Variants in MED27 observed in about 807,000 individuals in gnomAD.
MED27 encodes the protein mediator of RNA polymerase II transcription subunit 27.
Under a neutral mutation model 38.2 loss-of-function variants are expected in MED27, and 30 were observed. The observed-to-expected ratio is 0.79, with a 90% CI of 0.59 to 1.07. MED27 has a LOEUF of 1.07. Among genes scored for constraint, MED27 ranks in the 50% least tolerant of loss-of-function variants. The probability of loss-of-function intolerance (pLI) is 0.00; values close to 1 mark genes in which losing one functional copy is unlikely to be tolerated. For missense variants in MED27, 289 were observed against 397.5 expected, an observed-to-expected ratio of 0.73 and a Z score of 2.32; for synonymous variants, 122 against 153.5, an observed-to-expected ratio of 0.79 and a Z score of 1.52.
At chr9:131,978,063 A>G (rs1354317124) in intron 3 of MED27, among the ~76,000 whole-genome samples, 2 of 152,206 alleles carry the variant, frequency 1.3e-5, no homozygotes, top group Non-Finnish European at 2.9e-5. Context: ...ACACAATACC[A>G]TCGATGAAGC....
chr9:131,907,776 C>T (rs1215446033), intron 4 of MED27, among the ~76,000 whole-genome samples: 3 of 150,446 alleles, frequency 2.0e-5, no homozygotes, highest in South Asian at 2.1e-4. Context: ...AATTGAGGAG[C>T]GCCTCTTCCC....
At chr9:132,022,800 C>T (rs192098044) in intron 2 of MED27, among the ~76,000 whole-genome samples, 282 of 152,284 alleles carry the variant, frequency 1.9e-3, no homozygotes, top group Non-Finnish European at 3.3e-3. Flanking sequence ...ACCTTCTTCA[C>T]ATGGCGGCAG....
At chr9:131,962,295 G>A (rs1831232939) in intron 3 of MED27, among the ~76,000 whole-genome samples, 1 of 152,200 alleles carries the variant, frequency 6.6e-6, no homozygotes, top group Non-Finnish European at 1.5e-5. Flanking sequence ...GGACTGCAGA[G>A]GCACAATCAC....
At chr9:132,026,260 A>T (rs368113642) in intron 2 of MED27, among the ~76,000 whole-genome samples, 8 of 152,236 alleles carry the variant, frequency 5.3e-5, no homozygotes, top group Admixed American at 2.0e-4. Context: ...CTGCTTTGGG[A>T]CCAGGAGTGA....
intron 3 of MED27, among the ~76,000 whole-genome samples, chr9:131,973,308 C>T (rs2131016414): frequency 6.6e-6 from 1 of 152,198 alleles, no homozygotes; most frequent in Middle Eastern, 3.2e-3. Context: ...TGACACTATC[C>T]CCTCCAGGAT....
At chr9:131,968,741 G>A (rs1204026986) in intron 3 of MED27, among the ~76,000 whole-genome samples, 2 of 152,194 alleles carry the variant, frequency 1.3e-5, no homozygotes, top group African/African-American at 4.8e-5. Context: ...CTGGGCCACA[G>A]ACGGGTACCA....
At chr9:132,004,278 A>C (rs1052154459) in intron 3 of MED27, among the ~76,000 whole-genome samples, 1 of 152,222 alleles carries the variant, frequency 6.6e-6, no homozygotes, top group Non-Finnish European at 1.5e-5. Context: ...CATTTAAAAC[A>C]AAATGTCCCT....
At chr9:131,867,226 G>A (rs1838752712) in intron 6 of MED27, among the ~76,000 whole-genome samples, 1 of 152,202 alleles carries the variant, frequency 6.6e-6, no homozygotes. Flanking sequence ...GATGAGGTGG[G>A]TGGAGCCAGG....
chr9:131,980,838 C>T (rs7023642), intron 3 of MED27, among the ~76,000 whole-genome samples: 87,458 of 151,956 alleles, frequency 0.58, 26,678 homozygotes, highest in Non-Finnish European at 0.67. Context: ...TGACACTTCC[C>T]GCAGCAGACA....
chr9:132,059,599 G>T (rs4526483), intron 2 of MED27, among the ~76,000 whole-genome samples: 21,663 of 152,082 alleles, frequency 0.14, 1,626 homozygotes, highest in Middle Eastern at 0.19. Flanking sequence ...GGAGGGCTCT[G>T]CTGAGCCGCG....
intron 3 of MED27, among the ~76,000 whole-genome samples, chr9:131,977,726 T>C (rs776446523): frequency 1.3e-5 from 2 of 152,236 alleles, no homozygotes; most frequent in African/African-American, 2.4e-5. Context: ...ATAATTGTTA[T>C]GTTCATTTCA....
rs1832060882 is a variant in MED27 at position 131,995,016 on chromosome 9, G to A, written c.479+19321C>T. Reference sequence around the variant, plus strand: ...GAGGGAAAAGCCTCCCAAGAAGTAGGGCTTCAAGCAGTGCCCTTTATATGG... The same window carrying A: ...GAGGGAAAAGCCTCCCAAGAAGTAGAGCTTCAAGCAGTGCCCTTTATATGG... On this transcript the variant is annotated intron_variant, in intron 3 of 7. Coordinates refer to ENST00000292035, the MANE Select transcript of MED27 (RefSeq NM_004269.4). 2.0e-5 allele frequency among the ~76,000 whole-genome samples: 3 copies of A among 152,132 alleles called. No individual in the cohort carries two copies. In the South Asian group the frequency reaches 6.2e-4, roughly 31 times the overall value.
intron 6 of MED27, among the ~76,000 whole-genome samples, chr9:131,871,885 G>A (rs775021936): frequency 6.6e-6 from 1 of 152,044 alleles, no homozygotes; most frequent in Non-Finnish European, 1.5e-5. Context: ...TCAACTTGGG[G>A]TATTTGATTT....
chr9:132,077,380 G>A (rs1834075304), intron 2 of MED27, 62 bp downstream of exon 2: 1 of 1,468,330 alleles, frequency 6.8e-7, no homozygotes, highest in African/African-American at 1.4e-5. Flanking sequence ...CTTTCTGCAT[G>A]TATGGAATAT....
chr9:131,930,419 C>A (rs1192483710), intron 4 of MED27, among the ~76,000 whole-genome samples: 1 of 152,176 alleles, frequency 6.6e-6, no homozygotes, highest in Non-Finnish European at 1.5e-5. Context: ...TGGCAGCAGA[C>A]CTCTCAGTGG....
chr9:132,058,776 A>G (rs1158147494), intron 2 of MED27, among the ~76,000 whole-genome samples: 1 of 152,242 alleles, frequency 6.6e-6, no homozygotes, highest in Non-Finnish European at 1.5e-5. Flanking sequence ...AAACTGTATC[A>G]AAAGCTAAGG....
chr9:131,910,445 G>C (rs2131535797), intron 4 of MED27, among the ~76,000 whole-genome samples: 1 of 152,236 alleles, frequency 6.6e-6, no homozygotes, highest in South Asian at 2.1e-4. Context: ...AGGAACAGCA[G>C]CAAATTATGT....
At chr9:131,869,527 G>T (rs1156405979) in intron 6 of MED27, 1 of 566,622 alleles carries the variant, frequency 1.8e-6, no homozygotes, top group Non-Finnish European at 2.2e-6. Flanking sequence ...CGGAGGCCAG[G>T]AAGGGCACTA....
intron 3 of MED27, among the ~76,000 whole-genome samples, chr9:132,006,188 A>G (rs1023910861): frequency 1.3e-5 from 2 of 152,192 alleles, no homozygotes; most frequent in Non-Finnish European, 2.9e-5. Context: ...TTTGTGGGAC[A>G]TTAAGCCGGG....
Sources: allele counts gnomAD v4.1 joint callset (sites outside exome capture counted in the v4.1 genomes callset), GRCh38; gene constraint gnomAD v4.1.1; transcripts MANE v1.5; gene names NCBI Gene and HGNC (gene_info 2026-07-23, HGNC 2026-07-21).